The following IGSF10 variants were observed in gnomAD, a reference collection of about 807,000 sequenced individuals.
IGSF10 encodes calvaria mechanical force protein 608.
IGSF10 carries 126 observed loss-of-function variants against 128.2 expected under a neutral mutation model. The observed-to-expected ratio is 0.98, with a 90% CI of 0.85 to 1.14. IGSF10 has a LOEUF of 1.14. IGSF10 is among the 50% of genes most tolerant of loss of function. The pLI, the probability that IGSF10 is intolerant of heterozygous loss-of-function variation, is 0.00. For missense variants in IGSF10, 3,295 were observed against 3,149.8 expected, an observed-to-expected ratio of 1.05 and a Z score of -1.10; for synonymous variants, 1,185 against 1,146.2, an observed-to-expected ratio of 1.03 and a Z score of -0.68.
intron 7 of IGSF10, chr3:151,440,524 C>G: frequency 2.2e-6 from 1 of 456,452 alleles, no homozygotes. Context: ...TGAAGTAATT[C>G]CCTCACTATA....
the IGSF10 span, among the ~76,000 whole-genome samples, chr3:151,562,201 CTCTGGTCT>C: frequency 2.6e-5 from 4 of 152,108 alleles, no homozygotes; most frequent in East Asian, 3.9e-4. Context: ...TGAGAGTGAC[CTCTGGTCT>C]TCCTCACTGC....
intron 5 of IGSF10, among the ~76,000 whole-genome samples, chr3:151,450,526 T>C (rs1395526006): frequency 6.6e-6 from 1 of 152,148 alleles, no homozygotes; most frequent in Non-Finnish European, 1.5e-5. Context: ...CCAGTGGGCA[T>C]TCTTCAGCAA....
chr3:151,478,112 C>A, the IGSF10 span, among the ~76,000 whole-genome samples: 1 of 152,180 alleles, frequency 6.6e-6, no homozygotes. Context: ...CCTCAGGCAG[C>A]ACCTTAAACC....
At chr3:151,510,469 G>C in the IGSF10 span, among the ~76,000 whole-genome samples, 4 of 152,050 alleles carry the variant, frequency 2.6e-5, no homozygotes, top group Non-Finnish European at 5.9e-5. Context: ...CCATCTGTAC[G>C]TCACCATCAA....
the IGSF10 span, among the ~76,000 whole-genome samples, chr3:151,489,342 G>A: frequency 1.3e-5 from 2 of 152,320 alleles, no homozygotes; most frequent in Middle Eastern, 3.4e-3. Context: ...TGGAGAGGAT[G>A]TGAAGAAATA....
At chr3:151,474,707 T>A in the IGSF10 span, among the ~76,000 whole-genome samples, 4 of 152,308 alleles carry the variant, frequency 2.6e-5, no homozygotes, top group Admixed American at 2.6e-4. Flanking sequence ...GACTGGGCAA[T>A]TTACAGAAGA....
the IGSF10 span, among the ~76,000 whole-genome samples, chr3:151,567,167 A>G: frequency 3.9e-5 from 6 of 152,198 alleles, no homozygotes; most frequent in East Asian, 1.9e-4. Context: ...GAGGAAGATT[A>G]TATGCAGTTG....
At chr3:151,554,464 C>T in the IGSF10 span, among the ~76,000 whole-genome samples, 4 of 147,584 alleles carry the variant, frequency 2.7e-5, no homozygotes, top group Admixed American at 6.6e-5. Flanking sequence ...TTTGCCAAAG[C>T]GATTTTCTCC....
At chr3:151,433,675 A>G (rs1719780375), downstream of IGSF10, 1 of 152,628 alleles carries the variant, frequency 6.6e-6, no homozygotes, top group Non-Finnish European at 1.5e-5. Context: ...AAGGGGAAAA[A>G]AAAATCCAGT....
the IGSF10 span, among the ~76,000 whole-genome samples, chr3:151,589,239 A>G: frequency 6.6e-6 from 1 of 152,180 alleles, no homozygotes; most frequent in Non-Finnish European, 1.5e-5. Flanking sequence ...AGATCATTTA[A>G]AAGTTGGAAG....
the IGSF10 span, among the ~76,000 whole-genome samples, chr3:151,616,823 G>A: frequency 6.6e-6 from 1 of 152,132 alleles, no homozygotes; most frequent in Admixed American, 6.5e-5. Context: ...GAATATCTGA[G>A]ACTGGGTAAG....
At chr3:151,609,064 G>A in the IGSF10 span, among the ~76,000 whole-genome samples, 1 of 152,152 alleles carries the variant, frequency 6.6e-6, no homozygotes, top group Non-Finnish European at 1.5e-5. Flanking sequence ...GACTGAGAAC[G>A]ACTGCTTTAG....
chr3:151,611,659 C>T, the IGSF10 span, among the ~76,000 whole-genome samples: 3 of 152,186 alleles, frequency 2.0e-5, no homozygotes, highest in Non-Finnish European at 2.9e-5. Flanking sequence ...AGCTTTCTTG[C>T]TTGCCAGCAT....
chr3:151,461,717 C>T (rs1486483327), upstream of IGSF10, among the ~76,000 whole-genome samples: 1 of 152,158 alleles, frequency 6.6e-6, no homozygotes, highest in African/African-American at 2.4e-5. Flanking sequence ...ATTCTCTGAT[C>T]TACATTTTTC....
chr3:151,503,626 T>G, the IGSF10 span, among the ~76,000 whole-genome samples: 2 of 152,108 alleles, frequency 1.3e-5, no homozygotes, highest in African/African-American at 4.8e-5. Flanking sequence ...AAATGCCCAG[T>G]GGGTTCTCCT....
rs557142052 is a variant in IGSF10 at position 151,442,573 on chromosome 3, G to GAGAT, written c.5963+407_5963+410dup. Among the ~76,000 whole-genome samples the GAGAT allele has an allele frequency of 5.2e-3, 372 of 71,866 alleles. 3 individuals are homozygous for GAGAT. The highest frequency in any genetic ancestry group is 0.023 in the African/African-American group (363 of 15,590). The allele number at this position is 71,866 out of a possible 152,430, so 47.1% of individuals were successfully genotyped here. Reference sequence around the variant, plus strand: ...TTTTTTTTTTTTTGTACTTTTAGTAGAGATAGGGTTTCACCATGTTGGCCG... The same window carrying GAGAT: ...TTTTTTTTTTTTTGTACTTTTAGTAGAGATAGATAGGGTTTCACCATGTTGGCCG... On this transcript the variant is annotated intron_variant, in intron 7 of 7. Coordinates refer to ENST00000282466, the MANE Select transcript of IGSF10 (RefSeq NM_178822.5).
the IGSF10 span, among the ~76,000 whole-genome samples, chr3:151,529,326 C>A: frequency 6.6e-6 from 1 of 152,174 alleles, no homozygotes; most frequent in Non-Finnish European, 1.5e-5. Flanking sequence ...AGGAGAGCAG[C>A]GGATCTCCCA....
intron 6 of IGSF10, among the ~76,000 whole-genome samples, chr3:151,444,100 C>A (rs548030884): frequency 6.6e-6 from 1 of 151,810 alleles, no homozygotes; most frequent in African/African-American, 2.4e-5. Flanking sequence ...ATAGTGAGAC[C>A]CTGTCTCTAC....
the IGSF10 span, among the ~76,000 whole-genome samples, chr3:151,594,037 G>T: frequency 6.6e-6 from 1 of 152,178 alleles, no homozygotes; most frequent in African/African-American, 2.4e-5. Flanking sequence ...AACTTAAGCT[G>T]CCTCAGCTAC....
Sources: allele counts gnomAD v4.1 joint callset (sites outside exome capture counted in the v4.1 genomes callset), GRCh38; gene constraint gnomAD v4.1.1; transcripts MANE v1.5; gene names NCBI Gene and HGNC (gene_info 2026-07-23, HGNC 2026-07-21).